Variants in PWWP2B observed in about 807,000 individuals in gnomAD.
PWWP2B encodes the protein PWWP domain-containing protein 2B.
Under a neutral mutation model 15.5 loss-of-function variants are expected in PWWP2B, and 9 were observed. The observed-to-expected ratio is 0.58, with a 90% CI of 0.35 to 1.02. The LOEUF (loss-of-function observed/expected upper bound fraction) is 1.02, where lower values mean the gene tolerates loss of function less well. Among genes scored for constraint, PWWP2B ranks in the 50% least tolerant of loss-of-function variants. The pLI, the probability that PWWP2B is intolerant of heterozygous loss-of-function variation, is 0.02. For synonymous variants in PWWP2B, 474 were observed against 403.6 expected (o/e 1.17, Z -2.09); for missense variants, 864 against 865.3 (o/e 1.00, Z 0.02).
Position 132,417,193 on chromosome 10 carries a change from G to A in PWWP2B, c.*149G>A, listed in dbSNP as rs776259294. On this transcript the variant is annotated 3_prime_UTR_variant, in exon 3 of 3. Transcript: ENST00000305233. ...TCGGCCTGGTGTGAGGCCCCCCGGG[G>A]ACCGGCAGTGTGTCCAGGGAGGGGA... 24 of 1,158,976 alleles carry A rather than the reference G, an allele frequency of 2.1e-5. No individual in the cohort carries two copies. Among genetic ancestry groups the A allele is most frequent in the Non-Finnish European group, 3.0e-5 (23 of 774,644 alleles). The allele number at this position is 1,158,976 out of a possible 1,614,324, so 71.8% of individuals were successfully genotyped here.
chr10:132,400,726 C>T (rs1013287245), intron 1 of PWWP2B, among the ~76,000 whole-genome samples: 1 of 152,224 alleles, frequency 6.6e-6, no homozygotes, highest in Non-Finnish European at 1.5e-5. Context: ...GGAGCATAGC[C>T]GAGGCCTTGG....
chr10:132,406,337 C>T, intron 2 of PWWP2B, 48 bp downstream of exon 2: 1 of 1,465,762 alleles, frequency 6.8e-7, no homozygotes, highest in African/African-American at 1.4e-5. Context: ...CCCAAGCTCA[C>T]ACCTGTGTCC....
At position 132,404,884 on chromosome 10, in the gene PWWP2B, C is replaced by G. The variant is rs747142827; in HGVS notation, c.384C>G (p.His128Gln). 1 of 1,594,660 alleles carries G rather than the reference C, an allele frequency of 6.3e-7. No individual in the cohort carries two copies. The highest frequency in any genetic ancestry group is 8.5e-7 in the Non-Finnish European group (1 of 1,177,894). Residue 128 changes from histidine (H) to glutamine (Q), a missense_variant, in exon 2 of 3, where the codon CAC (histidine) becomes CAG (glutamine). Physicochemically the swap from His to Gln is conservative, Grantham distance 24 (BLOSUM62 0). This residue lies in a region of PWWP2B where 736 missense variants were observed against 687.7 expected (regional missense o/e 1.07). Transcript: ENST00000305233. Reference sequence around the variant, plus strand: ...ACTTCGAAGGCGCCCCCTTCCCTCACCCGCTGTGGCTCCGGGACACGTACA... The same window carrying G: ...ACTTCGAAGGCGCCCCCTTCCCTCAGCCGCTGTGGCTCCGGGACACGTACA... ...PPYFEGAPFP[H>Q]PLWLRDTYKL...
At chr10:132,416,330 G>A (rs1590768936) in intron 2 of PWWP2B, among the ~76,000 whole-genome samples, 2 of 152,236 alleles carry the variant, frequency 1.3e-5, no homozygotes, top group South Asian at 2.1e-4. Flanking sequence ...TCCACCCACC[G>A]GCTGGTGGAG....
intron 2 of PWWP2B, among the ~76,000 whole-genome samples, chr10:132,413,833 C>T (rs143751514): frequency 6.6e-6 from 1 of 152,368 alleles, no homozygotes; most frequent in African/African-American, 2.4e-5. Flanking sequence ...TGTGAGCCAC[C>T]AGCTTTCTCA....
At chr10:132,415,542 C>G (rs1335019131) in intron 2 of PWWP2B, among the ~76,000 whole-genome samples, 1 of 146,664 alleles carries the variant, frequency 6.8e-6, no homozygotes, top group Non-Finnish European at 1.5e-5. Context: ...CACACGCACT[C>G]TCACACACAT....
At chr10:132,407,943 C>A (rs192283795) in intron 2 of PWWP2B, among the ~76,000 whole-genome samples, 8 of 152,252 alleles carry the variant, frequency 5.3e-5, no homozygotes, top group African/African-American at 1.7e-4. Flanking sequence ...GACATCCCCC[C>A]ACGCAGGACG....
intron 1 of PWWP2B, among the ~76,000 whole-genome samples, chr10:132,401,562 T>C (rs1460476016): frequency 6.6e-6 from 1 of 152,198 alleles, no homozygotes; most frequent in African/African-American, 2.4e-5. Context: ...GCCAGGCCAG[T>C]GGGGCCCCTG....
chr10:132,406,854 C>T (rs1219247313), intron 2 of PWWP2B, among the ~76,000 whole-genome samples: 4 of 152,172 alleles, frequency 2.6e-5, no homozygotes, highest in Non-Finnish European at 5.9e-5. Flanking sequence ...CCCCCTGTGA[C>T]CCCCCAAATC....
chr10:132,403,867 G>T (rs2069643745), intron 1 of PWWP2B, among the ~76,000 whole-genome samples: 1 of 152,252 alleles, frequency 6.6e-6, no homozygotes, highest in African/African-American at 2.4e-5. Flanking sequence ...TGCCAGGTGG[G>T]CAGATGGGGA....
In PWWP2B at chr10:132,405,179, G is replaced by A. The variant is rs1159534287; in HGVS notation, c.679G>A (p.Ala227Thr). 6.4e-7 allele frequency: 1 copy of A among 1,558,724 alleles called. No homozygotes were observed. The highest frequency in any genetic ancestry group is 1.2e-5 in the South Asian group (1 of 85,528). ...GGAGAACGGCGAGCCCACGGCTGCGGCCACCGCCAGGAGGAGCAAGAGGGA... is the reference window on the plus strand; with the variant it reads ...GGAGAACGGCGAGCCCACGGCTGCGACCACCGCCAGGAGGAGCAAGAGGGA... ...EPENGEPTAA[A>T]TARRSKRERR... The change falls in exon 2 of 3, where the codon GCC (alanine) becomes ACC (threonine). Residue 227 changes from alanine (A) to threonine (T), a missense_variant. Transcript: ENST00000305233.
At chr10:132,397,847 T>C (rs2069559205) in intron 1 of PWWP2B, among the ~76,000 whole-genome samples, 1 of 152,034 alleles carries the variant, frequency 6.6e-6, no homozygotes, top group Non-Finnish European at 1.5e-5. Flanking sequence ...CGCCCAGCTG[T>C]GCGATTTAAG....
chr10:132,399,281 G>A (rs1308383628), intron 1 of PWWP2B, among the ~76,000 whole-genome samples: 1 of 152,256 alleles, frequency 6.6e-6, no homozygotes, highest in Admixed American at 6.5e-5. Context: ...GCTGCTGGGA[G>A]CCCTATGACA....
At chr10:132,415,224 CCACTCA>C (rs1051830105) in intron 2 of PWWP2B, among the ~76,000 whole-genome samples, 2 of 150,682 alleles carry the variant, frequency 1.3e-5, no homozygotes, top group Non-Finnish European at 3.0e-5. Flanking sequence ...ACACACACAC[CCACTCA>C]CACTCACACA....
intron 1 of PWWP2B, among the ~76,000 whole-genome samples, chr10:132,403,221 G>A (rs1247477266): frequency 1.3e-5 from 2 of 151,558 alleles, no homozygotes; most frequent in Non-Finnish European, 2.9e-5. Flanking sequence ...ACCCACCACA[G>A]AGCAGAACCC....
At chr10:132,399,212 C>A (rs866540996) in intron 1 of PWWP2B, among the ~76,000 whole-genome samples, 8 of 152,370 alleles carry the variant, frequency 5.3e-5, no homozygotes, top group African/African-American at 1.4e-4. Flanking sequence ...CGCCCTTATC[C>A]CCTGCATGTG....
At chr10:132,401,754 G>A (rs1256295120) in intron 1 of PWWP2B, among the ~76,000 whole-genome samples, 3 of 152,378 alleles carry the variant, frequency 2.0e-5, no homozygotes, top group South Asian at 4.1e-4. Flanking sequence ...CCCTGGTCTC[G>A]CTCGGCCTCA....
At chr10:132,402,723 G>A (rs1238233207) in intron 1 of PWWP2B, among the ~76,000 whole-genome samples, 2 of 152,222 alleles carry the variant, frequency 1.3e-5, no homozygotes, top group African/African-American at 4.8e-5. Context: ...GGGCGGGGGT[G>A]GGGGCTGGTT....
intron 2 of PWWP2B, among the ~76,000 whole-genome samples, chr10:132,414,147 G>A (rs1409378113): frequency 2.6e-5 from 4 of 152,238 alleles, no homozygotes; most frequent in African/African-American, 9.6e-5. Context: ...CTCTGCTGCC[G>A]GGAGAGGGAA....
Sources: gnomAD v4.1 joint callset for allele counts (sites outside exome capture counted in the v4.1 genomes callset) on GRCh38, gnomAD v4.1.1 for gene constraint, gnomAD v4.1.1 regional missense constraint, MANE v1.5 for transcripts, NCBI Gene and HGNC (gene_info 2026-07-23, HGNC 2026-07-21) for gene names.